The following UBTD1 variants were observed in gnomAD, a reference collection of about 807,000 sequenced individuals.
The protein encoded by UBTD1 is ubiquitin domain-containing protein 1.
A neutral mutation model predicts 21.7 loss-of-function variants in UBTD1; 19 were observed. That is an observed-to-expected ratio of 0.87 (90% CI 0.61 to 1.28). UBTD1 has a LOEUF of 1.28. UBTD1 is among the 50% of genes most tolerant of loss of function. UBTD1 has a pLI of 0.00. For synonymous variants in UBTD1, 116 were observed against 135.1 expected, an observed-to-expected ratio of 0.86 and a Z score of 0.98; for missense variants, 282 against 315.1, an observed-to-expected ratio of 0.89 and a Z score of 0.80.
At chr10:97,506,684 A>G (rs771561268) in intron 1 of UBTD1, among the ~76,000 whole-genome samples, 23 of 151,922 alleles carry the variant, frequency 1.5e-4, no homozygotes, top group Non-Finnish European at 2.8e-4. Flanking sequence ...CCCCCCAACC[A>G]CTGGCAACTG....
At chr10:97,522,802 A>C (rs149269582) in intron 1 of UBTD1, among the ~76,000 whole-genome samples, 1 of 152,136 alleles carries the variant, frequency 6.6e-6, no homozygotes, top group Non-Finnish European at 1.5e-5. Flanking sequence ...GAATAAGACA[A>C]AGCAGCTTGG....
At chr10:97,552,420 C>T (rs1482253034) in intron 1 of UBTD1, among the ~76,000 whole-genome samples, 1 of 117,008 alleles carries the variant, frequency 8.5e-6, no homozygotes, top group Admixed American at 1.0e-4. Context: ...TTTTGAAACA[C>T]AGTCTCGTTC....
intron 1 of UBTD1, among the ~76,000 whole-genome samples, chr10:97,505,602 C>T (rs1269524629): frequency 1.3e-5 from 2 of 152,224 alleles, no homozygotes; most frequent in African/African-American, 4.8e-5. Context: ...GGTCCCAACA[C>T]AGAGTTTCAT....
chr10:97,547,448 G>T (rs146779935), intron 1 of UBTD1, among the ~76,000 whole-genome samples: 1 of 152,156 alleles, frequency 6.6e-6, no homozygotes, highest in Non-Finnish European at 1.5e-5. Flanking sequence ...CCAGCACAAG[G>T]AGGCAGACAT....
At chr10:97,531,955 AGT>A (rs2040534094) in intron 1 of UBTD1, among the ~76,000 whole-genome samples, 1 of 152,182 alleles carries the variant, frequency 6.6e-6, no homozygotes, top group Non-Finnish European at 1.5e-5. Context: ...TGTGATGAGG[AGT>A]GGGACCACAG....
intron 1 of UBTD1, among the ~76,000 whole-genome samples, chr10:97,509,169 T>A (rs1316130603): frequency 2.0e-5 from 3 of 152,214 alleles, no homozygotes; most frequent in Admixed American, 2.0e-4. Flanking sequence ...ACAGCCATCC[T>A]GTTAGATAGG....
At chr10:97,563,763 A>C (rs1462634477) in intron 1 of UBTD1, among the ~76,000 whole-genome samples, 5 of 152,058 alleles carry the variant, frequency 3.3e-5, no homozygotes, top group Admixed American at 6.6e-5. Flanking sequence ...AGAAGATAGG[A>C]GGGATGACAA....
chr10:97,532,398 C>T (rs1275316134), intron 1 of UBTD1, among the ~76,000 whole-genome samples: 1 of 152,226 alleles, frequency 6.6e-6, no homozygotes, highest in African/African-American at 2.4e-5. Flanking sequence ...GTAATCCCAG[C>T]ACTTTGGGAG....
chr10:97,568,319 C>G (rs1232525150), intron 2 of UBTD1, among the ~76,000 whole-genome samples, 178 bp downstream of exon 2: 1 of 152,230 alleles, frequency 6.6e-6, no homozygotes, highest in African/African-American at 2.4e-5. Context: ...GAGACACAGT[C>G]TATGCTTGCC....
chr10:97,548,331 A>G (rs966373658), intron 1 of UBTD1, among the ~76,000 whole-genome samples: 2 of 152,254 alleles, frequency 1.3e-5, no homozygotes, highest in Non-Finnish European at 2.9e-5. Flanking sequence ...CTTGAGAGCA[A>G]ACACATCAGT....
intron 1 of UBTD1, among the ~76,000 whole-genome samples, chr10:97,526,290 T>C (rs934890914): frequency 6.6e-6 from 1 of 152,218 alleles, no homozygotes; most frequent in African/African-American, 2.4e-5. Flanking sequence ...CTATCCCTGC[T>C]CTTTGACCTA....
intron 1 of UBTD1, among the ~76,000 whole-genome samples, chr10:97,567,657 C>G (rs1366038075): frequency 6.6e-6 from 1 of 151,890 alleles, no homozygotes; most frequent in African/African-American, 2.4e-5. Flanking sequence ...GAAACTCCAT[C>G]TCAAAAACAA....
rs2040686742 is a variant in UBTD1, at chr10:97,560,406, G to T, written c.71-7508G>T. Reference sequence around the variant, plus strand: ...CATCCTTTGCTATTAATAAGACCTTGTTTAGTCTAAATTAACTTAGAATTG... The same window carrying T: ...CATCCTTTGCTATTAATAAGACCTTTTTTAGTCTAAATTAACTTAGAATTG... On this transcript the variant is annotated intron_variant, in intron 1 of 2. Transcript: ENST00000370664. Among the ~76,000 whole-genome samples, 3 of 152,122 alleles carry T rather than the reference G, an allele frequency of 2.0e-5. No homozygotes were observed. In the South Asian group the frequency reaches 6.2e-4, roughly 31 times the overall value.
intron 1 of UBTD1, among the ~76,000 whole-genome samples, chr10:97,547,667 C>T (rs560368898): frequency 4.6e-5 from 7 of 152,214 alleles, no homozygotes; most frequent in Admixed American, 3.9e-4. Flanking sequence ...TGGGTTCAAG[C>T]GATTCTCTTG....
intron 1 of UBTD1, among the ~76,000 whole-genome samples, chr10:97,530,012 G>A (rs1033414482): frequency 7.9e-5 from 12 of 152,156 alleles, no homozygotes; most frequent in Non-Finnish European, 1.8e-4. Flanking sequence ...CAGAGGGGGT[G>A]AGACCACATT....
At chr10:97,513,430 G>A (rs1384955429) in intron 1 of UBTD1, among the ~76,000 whole-genome samples, 1 of 152,216 alleles carries the variant, frequency 6.6e-6, no homozygotes. Context: ...GTCCCTGGGA[G>A]CTCGAGTTAC....
At chr10:97,536,008 T>TTATTATTATTC (rs1200462477) in intron 1 of UBTD1, among the ~76,000 whole-genome samples, 675 of 19,512 alleles carry the variant, frequency 0.035, 5 homozygotes, top group South Asian at 0.12. Context: ...TATTATTATT[T>TTATTATTATTC]CGAGACAGAA....
chr10:97,546,048 G>A lies in UBTD1; in HGVS notation c.71-21866G>A, dbSNP rs542292297. Among the ~76,000 whole-genome samples, 7 of 152,104 alleles carry A rather than the reference G, an allele frequency of 4.6e-5. No individual in the cohort carries two copies. The South Asian group carries it at 6.2e-4, about 14-fold the overall frequency. On this transcript the variant is annotated intron_variant, in intron 1 of 2. Transcript: ENST00000370664. ...GATCCACCCACCTTAGCCTCCCAAA[G>A]TGTTGGGATTACAGGCGTGAGCCAC...
chr10:97,553,288 T>C (rs2040649058), intron 1 of UBTD1, among the ~76,000 whole-genome samples: 1 of 152,130 alleles, frequency 6.6e-6, no homozygotes, highest in African/African-American at 2.4e-5. Context: ...TGTGCCACCA[T>C]GCCCGGCTAA....
Sources: gnomAD v4.1 joint callset for allele counts (sites outside exome capture counted in the v4.1 genomes callset) on GRCh38, gnomAD v4.1.1 for gene constraint, MANE v1.5 for transcripts, NCBI Gene and HGNC (gene_info 2026-07-23, HGNC 2026-07-21) for gene names.